Variants in SLC8A1 observed in about 807,000 individuals in gnomAD.
SLC8A1 encodes sodium/calcium exchanger 1.
In SLC8A1, 18 loss-of-function variants were observed where a neutral mutation model predicts 68.3. The ratio of observed to expected loss-of-function variants is 0.26; its 90% confidence interval spans 0.18 to 0.39. SLC8A1 has a LOEUF of 0.39. Among genes scored for constraint, SLC8A1 ranks in the 10% least tolerant of loss-of-function variants. The pLI is 1.00. For missense variants in SLC8A1, 985 were observed against 1,156.7 expected (o/e 0.85, Z 2.15); for synonymous variants, 475 against 415.5 (o/e 1.14, Z -1.74).
intron 2 of SLC8A1, among the ~76,000 whole-genome samples, chr2:40,408,626 T>C (rs972147107): frequency 6.6e-6 from 1 of 152,178 alleles, no homozygotes; most frequent in Non-Finnish European, 1.5e-5. Flanking sequence ...CTGTGGGAAT[T>C]GAAACTACAA....
intron 7 of SLC8A1, among the ~76,000 whole-genome samples, chr2:40,116,410 C>A (rs2035401504): frequency 1.3e-5 from 2 of 152,040 alleles, no homozygotes. Context: ...TGTGCTGCAC[C>A]CACTAACTCG....
chr2:40,238,157 TG>T (rs1283274584), intron 2 of SLC8A1, among the ~76,000 whole-genome samples: 2 of 152,212 alleles, frequency 1.3e-5, no homozygotes, highest in Non-Finnish European at 2.9e-5. Flanking sequence ...CCGGCTGCTT[TG>T]TTTACCTAAT....
At chr2:40,362,778 A>C (rs1279118526) in intron 2 of SLC8A1, among the ~76,000 whole-genome samples, 1 of 152,174 alleles carries the variant, frequency 6.6e-6, no homozygotes, top group African/African-American at 2.4e-5. Context: ...ATTTAGTACA[A>C]ATTAAAACAT....
intron 1 of SLC8A1, among the ~76,000 whole-genome samples, chr2:40,489,375 G>A (rs1200413007): frequency 6.6e-6 from 1 of 152,022 alleles, no homozygotes; most frequent in Non-Finnish European, 1.5e-5. Context: ...ATGCCATATA[G>A]ACGAGGTACA....
chr2:40,226,257 G>A (rs549398527), intron 2 of SLC8A1, among the ~76,000 whole-genome samples: 103 of 152,236 alleles, frequency 6.8e-4, no homozygotes, highest in Non-Finnish European at 1.0e-4. Flanking sequence ...TAGCCTTGCT[G>A]GATTTGTGCA....
intron 1 of SLC8A1, among the ~76,000 whole-genome samples, chr2:40,458,882 G>GAATATGT (rs1463342952): frequency 6.6e-6 from 1 of 152,090 alleles, no homozygotes; most frequent in Non-Finnish European, 1.5e-5. Flanking sequence ...AAGATTCAAG[G>GAATATGT]AATATGTAAG....
intron 2 of SLC8A1, among the ~76,000 whole-genome samples, chr2:40,194,554 C>T (rs1641458): frequency 0.23 from 33,941 of 149,678 alleles, 4,053 homozygotes; most frequent in Middle Eastern, 0.27. Context: ...AATTTAAAGA[C>T]AGAGATAGAA....
chr2:40,444,065 A>G (rs1700993662), intron 1 of SLC8A1, among the ~76,000 whole-genome samples: 1 of 152,196 alleles, frequency 6.6e-6, no homozygotes, highest in African/African-American at 2.4e-5. Flanking sequence ...GGCCAGGTAC[A>G]GTAGCTCATG....
intron 2 of SLC8A1, among the ~76,000 whole-genome samples, chr2:40,180,893 A>G (rs1445746725): frequency 1.3e-5 from 2 of 152,124 alleles, no homozygotes; most frequent in Non-Finnish European, 2.9e-5. Flanking sequence ...TAAATCACCA[A>G]ACAACATATT....
In SLC8A1 at chr2:40,464,867, T is replaced by C. The variant is rs376340141; in HGVS notation, c.-24-34563A>G. On this transcript the variant is annotated intron_variant, in intron 1 of 7. Coordinates refer to the SLC8A1 transcript ENST00000402441. ...AAAGAGTCCATCTCAGTGGGGACAG[T>C]TGAGTATTTGATCCAACCACACTGA... is the stretch of plus-strand genomic sequence containing the variant. 1.2e-4 allele frequency among the ~76,000 whole-genome samples: 18 copies of C among 152,190 alleles called. No homozygotes were observed. The East Asian group carries it at 2.7e-3, about 23-fold the overall frequency.
At chr2:40,133,317 T>C (rs2148224744) in intron 7 of SLC8A1, among the ~76,000 whole-genome samples, 1 of 151,642 alleles carries the variant, frequency 6.6e-6, no homozygotes. Context: ...TCGAAAAGTG[T>C]TGCAATTTAA....
At chr2:40,324,852 G>T (rs1029426506) in intron 2 of SLC8A1, among the ~76,000 whole-genome samples, 18 of 152,128 alleles carry the variant, frequency 1.2e-4, no homozygotes, top group African/African-American at 4.1e-4. Flanking sequence ...AAGCACACCT[G>T]GAGGAAAAGA....
At chr2:40,472,451 C>T (rs868114795) in intron 1 of SLC8A1, among the ~76,000 whole-genome samples, 22 of 152,132 alleles carry the variant, frequency 1.4e-4, no homozygotes, top group African/African-American at 5.3e-4. Context: ...TATCACAACC[C>T]TATCTGTTGT....
Position 40,495,648 on chromosome 2 carries a change from A to G in SLC8A1, c.-25+16701T>C, listed in dbSNP as rs75125854. On this transcript the variant is annotated intron_variant, in intron 1 of 7. Coordinates refer to the SLC8A1 transcript ENST00000402441. ...TATCTTGCACAACTGTTGATAGTGA[A>G]CTTTATAATAAGAGGTCATTCCAGT... Among the ~76,000 whole-genome samples the G allele has an allele frequency of 8.5e-3, 1,291 of 152,182 alleles. 16 individuals are homozygous for G. Among genetic ancestry groups the G allele is most frequent in the African/African-American group, 0.03 (1,236 of 41,526 alleles).
At chr2:40,451,421 C>G (rs1261930543) in intron 1 of SLC8A1, among the ~76,000 whole-genome samples, 1 of 152,148 alleles carries the variant, frequency 6.6e-6, no homozygotes, top group African/African-American at 2.4e-5. Context: ...AAACAGGGGG[C>G]TCGGAAATGT....
chr2:40,237,980 G>A lies in SLC8A1; in HGVS notation c.1809-60125C>T, dbSNP rs374808959. 1.9e-3 allele frequency among the ~76,000 whole-genome samples: 284 copies of A among 152,154 alleles called. 2 individuals are homozygous for A. The East Asian group carries it at 0.021, about 11-fold the overall frequency. ...TGCCCGTTCTCAGATCTCCAGCTGCGTGCTGGGAGAACCACTGCTCTCTTC... is the reference window on the plus strand; with the variant it reads ...TGCCCGTTCTCAGATCTCCAGCTGCATGCTGGGAGAACCACTGCTCTCTTC... On this transcript the variant is annotated intron_variant, in intron 2 of 7. Transcript: ENST00000406785.
At chr2:40,205,493 T>G (rs762297370) in intron 2 of SLC8A1, among the ~76,000 whole-genome samples, 39 of 152,012 alleles carry the variant, frequency 2.6e-4, no homozygotes, top group Non-Finnish European at 3.7e-4. Flanking sequence ...TCACTGACTT[T>G]GCAGGGACAT....
chr2:40,458,893 T>C (rs1181925700), intron 1 of SLC8A1, among the ~76,000 whole-genome samples: 1 of 152,214 alleles, frequency 6.6e-6, no homozygotes, highest in African/African-American at 2.4e-5. Flanking sequence ...AATATGTAAG[T>C]TTCCTGATTA....
intron 2 of SLC8A1, among the ~76,000 whole-genome samples, chr2:40,195,480 G>A (rs2052790181): frequency 6.6e-6 from 1 of 152,032 alleles, no homozygotes. Flanking sequence ...GGAAAGGAAT[G>A]AAGCTGAGAA....
Sources: gnomAD v4.1 joint callset for allele counts (sites outside exome capture counted in the v4.1 genomes callset) on GRCh38, gnomAD v4.1.1 for gene constraint, MANE v1.5 for transcripts, NCBI Gene and HGNC (gene_info 2026-07-23, HGNC 2026-07-21) for gene names.